Variants in CA10 observed in about 807,000 individuals in gnomAD.
The protein encoded by CA10 is carbonic anhydrase-related protein 10.
CA10 carries 14 observed loss-of-function variants against 44.2 expected under a neutral mutation model. That is an observed-to-expected ratio of 0.32 (90% CI 0.21 to 0.50). The LOEUF (loss-of-function observed/expected upper bound fraction) is 0.50, where lower values mean the gene tolerates loss of function less well. CA10 is among the 20% of genes least tolerant of loss of function. The pLI, the probability that CA10 is intolerant of heterozygous loss-of-function variation, is 0.99. For missense variants in CA10, 350 were observed against 409.7 expected (o/e 0.85, Z 1.26); for synonymous variants, 159 against 141.6 (o/e 1.12, Z -0.87).
chr17:51,980,704 A>G (rs1984624818), intron 2 of CA10, among the ~76,000 whole-genome samples: 1 of 152,088 alleles, frequency 6.6e-6, no homozygotes, highest in Non-Finnish European at 1.5e-5. Context: ...ATATGGTATA[A>G]GGAAGGGGTC....
intron 2 of CA10, among the ~76,000 whole-genome samples, chr17:52,063,494 G>T (rs1406019894): frequency 6.6e-6 from 1 of 152,174 alleles, no homozygotes; most frequent in Non-Finnish European, 1.5e-5. Flanking sequence ...CTAATGAGAG[G>T]TGTTTGGGTC....
intron 3 of CA10, among the ~76,000 whole-genome samples, chr17:51,888,038 C>CAAAAACAAA (rs1980691176): frequency 6.6e-6 from 1 of 151,420 alleles, no homozygotes; most frequent in South Asian, 2.1e-4. Flanking sequence ...AAAACAAAAA[C>CAAAAACAAA]AAAAACAAAA....
In CA10 at chr17:52,133,267, C is replaced by T. The variant is rs550963748; in HGVS notation, c.61+24459G>A. On this transcript the variant is annotated intron_variant, in intron 1 of 8. Transcript: ENST00000451037. ...AGCCTTGGAGCCTCCAGCGCCCCAG[C>T]GGTGGGGCATCCGTCCTCTGGGCAG... Among the ~76,000 whole-genome samples the T allele has an allele frequency of 8.5e-5, 13 of 152,288 alleles. No individual in the cohort carries two copies. In the South Asian group the frequency reaches 1.0e-3, roughly 12 times the overall value.
At chr17:51,933,702 A>G (rs1361023708) in intron 2 of CA10, among the ~76,000 whole-genome samples, 1 of 152,084 alleles carries the variant, frequency 6.6e-6, no homozygotes, top group African/African-American at 2.4e-5. Flanking sequence ...GACATCTATG[A>G]TGCTTGCAGG....
chr17:51,922,253 A>G (rs972709590), intron 3 of CA10, among the ~76,000 whole-genome samples: 3 of 152,202 alleles, frequency 2.0e-5, no homozygotes, highest in African/African-American at 7.2e-5. Context: ...TTTGTTTAGT[A>G]ATCAAAGATA....
Position 51,734,396 on chromosome 17 carries a change from G to A in CA10, c.465+13237C>T, listed in dbSNP as rs566078393. Among the ~76,000 whole-genome samples the A allele has an allele frequency of 1.1e-4, 16 of 152,280 alleles. No individual in the cohort carries two copies. The East Asian group carries it at 2.7e-3, about 26-fold the overall frequency. On this transcript the variant is annotated intron_variant, in intron 4 of 8. Coordinates refer to ENST00000451037, the MANE Select transcript of CA10 (RefSeq NM_020178.5). Reference sequence around the variant, plus strand: ...GAGATCTAGAGAGATTAAGTGGCTTGCCAAAGGTCACCTAGTCGTAGGGTG... The same window carrying A: ...GAGATCTAGAGAGATTAAGTGGCTTACCAAAGGTCACCTAGTCGTAGGGTG...
At chr17:51,754,644 A>G (rs1274104745) in intron 3 of CA10, among the ~76,000 whole-genome samples, 1 of 151,304 alleles carries the variant, frequency 6.6e-6, no homozygotes, top group Admixed American at 6.6e-5. Context: ...AGGCCCATCA[A>G]CCTTATGCAG....
chr17:51,875,835 C>A (rs2143871546), intron 3 of CA10, among the ~76,000 whole-genome samples: 1 of 152,290 alleles, frequency 6.6e-6, no homozygotes, highest in African/African-American at 2.4e-5. Context: ...CCCTCTGACA[C>A]TTCTTACTCC....
chr17:51,915,096 C>T (rs1479091354), intron 3 of CA10, among the ~76,000 whole-genome samples: 1 of 152,050 alleles, frequency 6.6e-6, no homozygotes, highest in Non-Finnish European at 1.5e-5. Flanking sequence ...TACTTTGCTG[C>T]TAACCAGATG....
rs145187706 is a variant in CA10 at position 51,797,350 on chromosome 17, G to A, written c.280-49532C>T. ...TCATAGCACGCAGGCGCATGCGCGC[G>A]CACGCACGCGTGCACGCACACACGC... On this transcript the variant is annotated intron_variant, in intron 3 of 8. Coordinates refer to ENST00000451037, the MANE Select transcript of CA10 (RefSeq NM_020178.5). 2.8e-3 allele frequency among the ~76,000 whole-genome samples: 434 copies of A among 152,292 alleles called. 3 individuals carry two copies. Among genetic ancestry groups the A allele is most frequent in the African/African-American group, 9.9e-3 (411 of 41,564 alleles).
At chr17:52,126,597 A>T (rs931455631) in intron 1 of CA10, among the ~76,000 whole-genome samples, 6 of 152,194 alleles carry the variant, frequency 3.9e-5, no homozygotes, top group Admixed American at 3.3e-4. Context: ...TCCTGTCTAA[A>T]TATAAATTTT....
chr17:51,785,102 T>C (rs1337673054), intron 3 of CA10, among the ~76,000 whole-genome samples: 1 of 152,226 alleles, frequency 6.6e-6, no homozygotes, highest in Non-Finnish European at 1.5e-5. Flanking sequence ...GCCAGTGACA[T>C]GATCTCATTC....
At chr17:51,696,223 A>C (rs530451548) in intron 4 of CA10, among the ~76,000 whole-genome samples, 219 of 152,024 alleles carry the variant, frequency 1.4e-3, no homozygotes, top group African/African-American at 5.2e-3. Flanking sequence ...GATTTTTTGG[A>C]ATAGTTTCAA....
intron 2 of CA10, among the ~76,000 whole-genome samples, chr17:51,988,456 T>C (rs752541536): frequency 8.6e-5 from 13 of 152,010 alleles, no homozygotes; most frequent in Admixed American, 2.0e-4. Flanking sequence ...TATTATTAGA[T>C]GTTGAGTACC....
At chr17:52,091,720 C>T (rs1319770427) in intron 1 of CA10, among the ~76,000 whole-genome samples, 1 of 152,122 alleles carries the variant, frequency 6.6e-6, no homozygotes, top group Non-Finnish European at 1.5e-5. Context: ...AGACAATGAA[C>T]ATTGCTGTTG....
At chr17:51,658,629 C>T (rs1913888820) in intron 4 of CA10, among the ~76,000 whole-genome samples, 1 of 152,136 alleles carries the variant, frequency 6.6e-6, no homozygotes, top group African/African-American at 2.4e-5. Context: ...ATGAAGGTGG[C>T]TCAAGATGGG....
chr17:51,770,404 C>T (rs1325653573), intron 3 of CA10, among the ~76,000 whole-genome samples: 1 of 151,942 alleles, frequency 6.6e-6, no homozygotes, highest in African/African-American at 2.4e-5. Flanking sequence ...CACAAACCCT[C>T]CCCCGAGACC....
intron 2 of CA10, among the ~76,000 whole-genome samples, chr17:51,999,749 T>A (rs1251727444): frequency 6.6e-6 from 1 of 152,074 alleles, no homozygotes; most frequent in Non-Finnish European, 1.5e-5. Flanking sequence ...TCTGTCCTTG[T>A]TTCCCTGACT....
intron 3 of CA10, 49 bp from the exon 4 acceptor site, chr17:51,747,867 C>T: frequency 1.4e-6 from 2 of 1,403,086 alleles, no homozygotes; most frequent in Non-Finnish European, 2.0e-6. Flanking sequence ...TTCTTCTATG[C>T]CTCCCCAAAC....
Sources: gnomAD v4.1 joint callset for allele counts (sites outside exome capture counted in the v4.1 genomes callset) on GRCh38, gnomAD v4.1.1 for gene constraint, MANE v1.5 for transcripts, NCBI Gene and HGNC (gene_info 2026-07-23, HGNC 2026-07-21) for gene names.